The following PMS1 variants were observed in gnomAD, a reference collection of about 807,000 sequenced individuals.
PMS1 encodes PMS1 homolog 1, mismatch repair system component.
PMS1 carries 79 observed loss-of-function variants against 93.1 expected under a neutral mutation model. The observed-to-expected ratio is 0.85, with a 90% CI of 0.71 to 1.02. The LOEUF (loss-of-function observed/expected upper bound fraction) is 1.02, where lower values mean the gene tolerates loss of function less well. Ranked by LOEUF, PMS1 falls within the 50% of genes least tolerant of loss-of-function variation. The pLI is 0.00. For missense variants in PMS1, 1,064 were observed against 1,085.3 expected, an observed-to-expected ratio of 0.98 and a Z score of 0.28; for synonymous variants, 335 against 363.4, an observed-to-expected ratio of 0.92 and a Z score of 0.89.
At chr2:189,855,164 C>T in intron 9 of PMS1, 36 bp downstream of exon 9, 1 of 1,551,842 alleles carries the variant, frequency 6.4e-7, no homozygotes, top group South Asian at 1.1e-5. Context: ...CTTGAATGTT[C>T]AGCTATTTCC....
chr2:189,864,431 G>T (rs1424576841), intron 10 of PMS1: 1 of 500,490 alleles, frequency 2.0e-6, no homozygotes, highest in Non-Finnish European at 3.8e-6. Flanking sequence ...GCCAAGGTGG[G>T]TGGATCACGA....
At chr2:189,786,026 G>C (rs1006010929) in intron 1 of PMS1, among the ~76,000 whole-genome samples, 1 of 152,136 alleles carries the variant, frequency 6.6e-6, no homozygotes, top group African/African-American at 2.4e-5. Flanking sequence ...TTGCAGGGCT[G>C]GGACAGGAGA....
intron 4 of PMS1, among the ~76,000 whole-genome samples, chr2:189,811,601 C>CAA (rs199953334): frequency 6.6e-6 from 1 of 150,596 alleles, no homozygotes; most frequent in African/African-American, 2.4e-5. Flanking sequence ...TCTTCAACAA[C>CAA]AAAAAAAACT....
intron 2 of PMS1, among the ~76,000 whole-genome samples, chr2:189,793,925 C>A (rs1207645688): frequency 6.6e-6 from 1 of 152,042 alleles, no homozygotes; most frequent in Non-Finnish European, 1.5e-5. Context: ...TTAAACAAAT[C>A]TTTGTGTTCT....
At chr2:189,820,681 A>G (rs2051771772) in intron 5 of PMS1, among the ~76,000 whole-genome samples, 1 of 152,180 alleles carries the variant, frequency 6.6e-6, no homozygotes, top group Non-Finnish European at 1.5e-5. Flanking sequence ...AACAGTTACA[A>G]TAACTTTGTG....
intron 5 of PMS1, among the ~76,000 whole-genome samples, chr2:189,825,501 T>G (rs1267200431): frequency 4.6e-5 from 7 of 152,218 alleles, no homozygotes; most frequent in African/African-American, 1.7e-4. Context: ...CTATTTCATA[T>G]GACAATGCAT....
At chr2:189,877,193 G>A (rs2057649770) in intron 12 of PMS1, 79 bp from the exon 13 acceptor site, 2 of 1,103,058 alleles carry the variant, frequency 1.8e-6, no homozygotes, top group African/African-American at 1.6e-5. Flanking sequence ...TCAAGATTCT[G>A]TCTTCCTTTT....
intron 2 of PMS1, among the ~76,000 whole-genome samples, chr2:189,795,102 C>T (rs2049223744): frequency 6.6e-6 from 1 of 151,994 alleles, no homozygotes. Flanking sequence ...TAAAAAAAGT[C>T]TTGATTTTTT....
chr2:189,842,361 C>T (rs532236917), intron 5 of PMS1, among the ~76,000 whole-genome samples: 5 of 152,184 alleles, frequency 3.3e-5, no homozygotes, highest in Admixed American at 6.5e-5. Flanking sequence ...CTCCCAAGCC[C>T]TTTGGACAGT....
chr2:189,861,100 T>C (rs910003467), intron 9 of PMS1, among the ~76,000 whole-genome samples: 4 of 152,012 alleles, frequency 2.6e-5, no homozygotes, highest in Admixed American at 2.0e-4. Context: ...ATTTTCCTGT[T>C]TTCTGTTTGT....
At chr2:189,794,096 A>T (rs1271134911) in intron 2 of PMS1, among the ~76,000 whole-genome samples, 1 of 152,092 alleles carries the variant, frequency 6.6e-6, no homozygotes, top group East Asian at 1.9e-4. Context: ...AGTTCCCAGA[A>T]TGTAAACTTA....
At chr2:189,853,307 C>T (rs1415202710) in intron 7 of PMS1, among the ~76,000 whole-genome samples, 5 of 151,674 alleles carry the variant, frequency 3.3e-5, no homozygotes, top group Non-Finnish European at 5.9e-5. Flanking sequence ...CCGCCCACCT[C>T]GGCCTCCCAA....
intron 1 of PMS1, among the ~76,000 whole-genome samples, chr2:189,790,465 G>A (rs2048756923): frequency 6.6e-6 from 1 of 152,080 alleles, no homozygotes; most frequent in Non-Finnish European, 1.5e-5. Flanking sequence ...TGAGCTTTCG[G>A]TGATCTACTG....
At chr2:189,876,122 A>AG (rs2057546157) in intron 12 of PMS1, among the ~76,000 whole-genome samples, 1 of 152,074 alleles carries the variant, frequency 6.6e-6, no homozygotes, top group Non-Finnish European at 1.5e-5. Flanking sequence ...TTAAAAAAAA[A>AG]TTTCTTAATC....
At position 189,801,558 on chromosome 2, in the gene PMS1, A is replaced by G. The variant is rs2049891294; in HGVS notation, c.316-4094A>G. Among the ~76,000 whole-genome samples the G allele has an allele frequency of 2.0e-5, 3 of 152,346 alleles. No individual in the cohort carries two copies. In the South Asian group the frequency reaches 6.2e-4, roughly 32 times the overall value. ...AAGAAATGTTTAAGAAACTAACAAC[A>G]TTTTTGAACTGGATTTTACATGGAG... On this transcript the variant is annotated intron_variant, in intron 3 of 12. Coordinates refer to ENST00000441310, the MANE Select transcript of PMS1 (RefSeq NM_000534.5).
At chr2:189,787,359 A>G (rs1286132172) in intron 1 of PMS1, among the ~76,000 whole-genome samples, 1 of 152,204 alleles carries the variant, frequency 6.6e-6, no homozygotes, top group Non-Finnish European at 1.5e-5. Context: ...CCATGGGTGA[A>G]GCATTTGATT....
At chr2:189,831,946 G>T (rs747151111) in intron 5 of PMS1, among the ~76,000 whole-genome samples, 3 of 152,010 alleles carry the variant, frequency 2.0e-5, no homozygotes, top group Non-Finnish European at 4.4e-5. Context: ...GGCCAGGCTG[G>T]TCTCAAACTC....
chr2:189,829,209 T>G (rs2052710335), intron 5 of PMS1, among the ~76,000 whole-genome samples: 1 of 152,180 alleles, frequency 6.6e-6, no homozygotes, highest in Admixed American at 6.5e-5. Context: ...AGTGATGGCT[T>G]GCACTCTGAA....
intron 5 of PMS1, among the ~76,000 whole-genome samples, chr2:189,839,382 A>G (rs2053642407): frequency 6.6e-6 from 1 of 152,210 alleles, no homozygotes; most frequent in South Asian, 2.1e-4. Flanking sequence ...TCTATCTCTG[A>G]TCATGGTATT....
Sources: allele counts gnomAD v4.1 joint callset (sites outside exome capture counted in the v4.1 genomes callset), GRCh38; gene constraint gnomAD v4.1.1; transcripts MANE v1.5; gene names NCBI Gene and HGNC (gene_info 2026-07-23, HGNC 2026-07-21).